The following CATSPERT variants were observed in gnomAD, a reference collection of about 807,000 sequenced individuals.
CATSPERT encodes the protein cation channel sperm-associated targeting subunit tau.
At chr2:201,510,972 A>C in the CATSPERT span, among the ~76,000 whole-genome samples, 6 of 152,246 alleles carry the variant, frequency 3.9e-5, no homozygotes, top group Non-Finnish European at 4.4e-5. Flanking sequence ...TTCACATGTA[A>C]GTAAGCAAAC....
At chr2:201,500,281 G>A in the CATSPERT span, among the ~76,000 whole-genome samples, 11 of 152,098 alleles carry the variant, frequency 7.2e-5, no homozygotes, top group Admixed American at 3.3e-4. Context: ...TTGGGAGGCC[G>A]AGGTGGGTAG....
chr2:201,520,147 T>C, the CATSPERT span, among the ~76,000 whole-genome samples: 1 of 152,176 alleles, frequency 6.6e-6, no homozygotes, highest in Non-Finnish European at 1.5e-5. Flanking sequence ...ATGCACCCAA[T>C]ACCACAGCAC....
At chr2:201,543,264 T>C in the CATSPERT span, among the ~76,000 whole-genome samples, 3 of 152,200 alleles carry the variant, frequency 2.0e-5, no homozygotes, top group East Asian at 5.8e-4. Context: ...AGTTTTGTAA[T>C]ACATTTTGAA....
At chr2:201,586,842 CATTT>C in the CATSPERT span, among the ~76,000 whole-genome samples, 18 of 152,138 alleles carry the variant, frequency 1.2e-4, no homozygotes, top group East Asian at 2.7e-3. Flanking sequence ...GTAAATACCT[CATTT>C]ATTTCTTTTG....
the CATSPERT span, among the ~76,000 whole-genome samples, chr2:201,605,389 G>A: frequency 2.0e-5 from 3 of 152,128 alleles, no homozygotes; most frequent in Admixed American, 2.0e-4. Flanking sequence ...CTTCTGGGGT[G>A]AAGGCATCAG....
At chr2:201,564,001 G>C in the CATSPERT span, among the ~76,000 whole-genome samples, 8,379 of 152,234 alleles carry the variant, frequency 0.055, 281 homozygotes, top group African/African-American at 0.08. Context: ...GAAATACAAC[G>C]ATGTGAGAAC....
the CATSPERT span, among the ~76,000 whole-genome samples, chr2:201,600,584 A>AC: frequency 6.6e-6 from 1 of 152,158 alleles, no homozygotes; most frequent in South Asian, 2.1e-4. Context: ...TTAAAGTATA[A>AC]TAAAAAAAAT....
At chr2:201,528,525 G>T in the CATSPERT span, among the ~76,000 whole-genome samples, 4 of 152,064 alleles carry the variant, frequency 2.6e-5, no homozygotes, top group Non-Finnish European at 5.9e-5. Context: ...TCCCATCAAT[G>T]GTAGATTGGA....
chr2:201,541,758 G>A, the CATSPERT span, among the ~76,000 whole-genome samples: 2 of 151,486 alleles, frequency 1.3e-5, no homozygotes, highest in African/African-American at 4.9e-5. Flanking sequence ...ACCACACCCT[G>A]CTAATTTTTG....
At chr2:201,602,743 TAA>T in the CATSPERT span, among the ~76,000 whole-genome samples, 1 of 152,072 alleles carries the variant, frequency 6.6e-6, no homozygotes, top group Non-Finnish European at 1.5e-5. Context: ...CATTAACCAA[TAA>T]AATGTAATGG....
At chr2:201,585,258 T>C in the CATSPERT span, among the ~76,000 whole-genome samples, 1 of 151,872 alleles carries the variant, frequency 6.6e-6, no homozygotes, top group African/African-American at 2.4e-5. Flanking sequence ...AAGGGAGGGA[T>C]AACCTTAGGA....
the CATSPERT span, among the ~76,000 whole-genome samples, chr2:201,519,288 T>A: frequency 6.6e-6 from 1 of 152,092 alleles, no homozygotes; most frequent in African/African-American, 2.4e-5. Flanking sequence ...AGAAACTACA[T>A]GGTGACTATA....
chr2:201,609,434 C>G, the CATSPERT span, among the ~76,000 whole-genome samples: 1 of 152,298 alleles, frequency 6.6e-6, no homozygotes, highest in South Asian at 2.1e-4. Flanking sequence ...CAGACTATAT[C>G]TTAGGACACA....
At chr2:201,515,202 G>GTTTTTTTTTTTT in the CATSPERT span, among the ~76,000 whole-genome samples, 70 of 24,672 alleles carry the variant, frequency 2.8e-3, 27 homozygotes, top group Admixed American at 0.021. Context: ...TCTGCCCATA[G>GTTTTTTTTTTTT]TTTTTTTTTT....
chr2:201,542,369 C>A, the CATSPERT span, among the ~76,000 whole-genome samples: 1 of 152,148 alleles, frequency 6.6e-6, no homozygotes, highest in African/African-American at 2.4e-5. Flanking sequence ...GATTTCAATT[C>A]TTTTGGATAG....
At chr2:201,491,638 CTGTT>C in the CATSPERT span, 1 of 1,537,066 alleles carries the variant, frequency 6.5e-7, no homozygotes, top group Non-Finnish European at 8.7e-7. Context: ...GAAAGTGATT[CTGTT>C]TAAGTACTCA....
chr2:201,491,643 T>G, the CATSPERT span: 1 of 1,537,150 alleles, frequency 6.5e-7, no homozygotes. Flanking sequence ...TGATTCTGTT[T>G]AAGTACTCAT....
At chr2:201,579,915 G>A in the CATSPERT span, among the ~76,000 whole-genome samples, 3 of 148,540 alleles carry the variant, frequency 2.0e-5, no homozygotes, top group South Asian at 6.4e-4. Flanking sequence ...GCAGTAGCAC[G>A]ATCATAGCTC....
chr2:201,492,883 C>G, the CATSPERT span: 2 of 1,536,530 alleles, frequency 1.3e-6, no homozygotes, highest in South Asian at 1.2e-5. Context: ...GATTTGTTTA[C>G]TTAATTCAGA....
Sources: gnomAD v4.1 joint callset for allele counts (sites outside exome capture counted in the v4.1 genomes callset) on GRCh38, gnomAD v4.1.1 for gene constraint, MANE v1.5 for transcripts, NCBI Gene and HGNC (gene_info 2026-07-23, HGNC 2026-07-21) for gene names.